Variants in TRIM6 observed in about 807,000 individuals in gnomAD.
The protein encoded by TRIM6 is tripartite motif containing 6.
In TRIM6, 43 loss-of-function variants were observed where a neutral mutation model predicts 51.2. The observed-to-expected ratio is 0.84, with a 90% CI of 0.66 to 1.08. The LOEUF (loss-of-function observed/expected upper bound fraction) is 1.08. Ranked by LOEUF, TRIM6 falls within the 50% of genes least tolerant of loss-of-function variation. TRIM6 has a pLI of 0.00. For missense variants in TRIM6, 669 were observed against 619.0 expected (o/e 1.08, Z -0.86); for synonymous variants, 215 against 232.4 (o/e 0.93, Z 0.68).
chr11:5,602,547 C>G (rs1847934211), intron 1 of TRIM6, among the ~76,000 whole-genome samples: 1 of 151,876 alleles, frequency 6.6e-6, no homozygotes, highest in African/African-American at 2.4e-5. Context: ...GTAAGTCATG[C>G]AGATAGCAGA....
At chr11:5,597,096 A>G (rs554149179) in intron 1 of TRIM6, among the ~76,000 whole-genome samples, 182 bp downstream of exon 1, 1 of 152,316 alleles carries the variant, frequency 6.6e-6, no homozygotes, top group African/African-American at 2.4e-5. Context: ...ATAGAGACAG[A>G]AATGTGTGGT....
Position 5,603,563 on chromosome 11 carries a change from T to C in TRIM6, c.335T>C (p.Val112Ala), listed in dbSNP as rs781448011. 42 of 1,613,270 alleles carry C rather than the reference T, an allele frequency of 2.6e-5. No homozygotes were observed. The highest frequency in any genetic ancestry group is 3.6e-5 in the Non-Finnish European group (42 of 1,179,882). The change falls in exon 2 of 8, where the codon GTA (valine) becomes GCA (alanine). Residue 112 changes from valine to alanine, a missense_variant. Transcript: ENST00000380097. ...LANIVRRLRE[V>A]VLGPGKQLKA... ...AACATAGTGAGGCGGCTCAGAGAGGTAGTGTTGGGCCCTGGGAAGCAGCTG... is the reference window on the plus strand; with the variant it reads ...AACATAGTGAGGCGGCTCAGAGAGGCAGTGTTGGGCCCTGGGAAGCAGCTG...
Position 5,610,813 on chromosome 11 carries a change from A to G in TRIM6, c.1022A>G (p.Asn341Ser), listed in dbSNP as rs749755071. ...CTGAATCCACACACAGCTAATTTAA[A>G]TCTTGTCCTGGCTAAAAACCGGAGA... Reference protein sequence around the residue: ...VTLNPHTANLNLVLAKNRRQV... With the variant: ...VTLNPHTANLSLVLAKNRRQV... The change falls in exon 8 of 8, where the codon AAT (asparagine) becomes AGT (serine). Residue 341 changes from asparagine to serine, a missense_variant. Transcript: ENST00000380097. The G allele has an allele frequency of 1.2e-6, 2 of 1,614,160 alleles. No homozygotes were observed. Among genetic ancestry groups the G allele is most frequent in the Non-Finnish European group, 1.7e-6 (2 of 1,180,024 alleles).
At chr11:5,600,060 A>G (rs1244662766) in intron 1 of TRIM6, among the ~76,000 whole-genome samples, 1 of 152,208 alleles carries the variant, frequency 6.6e-6, no homozygotes, top group Non-Finnish European at 1.5e-5. Flanking sequence ...CTCTCAGATG[A>G]TAGGTAAATA....
chr11:5,596,897 G>C lies in TRIM6; in HGVS notation c.-1G>C. ...GAACTTCTTGGCTTCTCATTCCCCA[G>C]ATGTGCGGGTCAGAGAGGTATGTCT... is the stretch of plus-strand genomic sequence containing the variant. On this transcript the variant is annotated 5_prime_UTR_variant, in exon 1 of 8. Transcript: ENST00000380097. 6.2e-7 allele frequency: 1 copy of C among 1,614,086 alleles called. No homozygotes were observed. Among genetic ancestry groups the C allele is most frequent in the Non-Finnish European group, 8.5e-7 (1 of 1,179,994 alleles).
rs1454472484 is a variant in TRIM6 at position 5,610,863 on chromosome 11, G to C, written c.1072G>C (p.Val358Leu). The C allele has an allele frequency of 6.2e-7, 1 of 1,614,218 alleles. No homozygotes were observed. ...ACAAGTGAGGTTTGTGGGAGCTAAA[G>C]TATCTGGACCTTCCTGTCTGGAAAA... is the stretch of plus-strand genomic sequence containing the variant. Reference protein sequence around the residue: ...RRQVRFVGAKVSGPSCLEKHY... With the variant: ...RRQVRFVGAKLSGPSCLEKHY... Residue 358 changes from valine (V) to leucine (L), a missense_variant, in exon 8 of 8, where the codon GTA becomes CTA. Coordinates refer to ENST00000380097, the MANE Select transcript of TRIM6 (RefSeq NM_001003818.3).
At chr11:5,597,234 C>T (rs766218428) in intron 1 of TRIM6, among the ~76,000 whole-genome samples, 2 of 152,044 alleles carry the variant, frequency 1.3e-5, no homozygotes, top group Non-Finnish European at 2.9e-5. Context: ...ATAAGATGGA[C>T]GGAGTAATAT....
intron 5 of TRIM6, 143 bp downstream of exon 5, chr11:5,608,537 C>A: frequency 1.5e-6 from 2 of 1,337,968 alleles, no homozygotes; most frequent in Admixed American, 2.5e-5. Context: ...GGAGTTTTGG[C>A]ATCCCCAAAT....
upstream of TRIM6, chr11:5,596,543 T>TCCCCCTTCCCCCTTCCCTTC (rs1847471706): frequency 4.1e-5 from 1 of 24,650 alleles, no homozygotes; most frequent in Non-Finnish European, 7.4e-5. Flanking sequence ...CCTTCCCCCT[T>TCCCCCTTCCCCCTTCCCTTC]CCCCCTTCCC....
rs371217479 is a variant in TRIM6, at chr11:5,605,522, G to A, written c.789G>A (p.Ser263=). The change falls in exon 4 of 8, where the codon TCG becomes TCA. Residue 263 remains serine, a synonymous_variant. Transcript: ENST00000380097. The stretch of plus-strand genomic sequence containing the variant: ...CCCAGTCGCTGCGAGAGCTCATCTC[G>A]GATCTGGAGCGTCGATGTCAGGGGT... ...HQTQSLRELI[S]DLERRCQGST... 1.1e-5 allele frequency: 17 copies of A among 1,614,046 alleles called. No homozygotes were observed. The highest frequency in any genetic ancestry group is 2.7e-5 in the African/African-American group (2 of 75,014).
intron 4 of TRIM6, 57 bp downstream of exon 4, chr11:5,605,624 C>T (rs1203097474): frequency 6.5e-7 from 1 of 1,535,438 alleles, no homozygotes; most frequent in African/African-American, 1.4e-5. Context: ...AACTAACTTT[C>T]CTTCCTTTCT....
chr11:5,601,468 C>T (rs1847842174), intron 1 of TRIM6, among the ~76,000 whole-genome samples: 1 of 152,152 alleles, frequency 6.6e-6, no homozygotes, highest in Admixed American at 6.5e-5. Context: ...AAAAATATTA[C>T]CTCCCCAGGC....
Position 5,603,474 on chromosome 11 carries a change from A to C in TRIM6, c.246A>C (p.Arg82Ser). The C allele has an allele frequency of 6.2e-7, 1 of 1,614,098 alleles. No individual in the cohort carries two copies. Among genetic ancestry groups the C allele is most frequent in the Non-Finnish European group, 8.5e-7 (1 of 1,180,016 alleles). ...CAGTGATTGGTCAAGAAGGGGAAAGAAGCTGCCCTGTGTGCCAGACCAGCT... is the reference window on the plus strand; with the variant it reads ...CAGTGATTGGTCAAGAAGGGGAAAGCAGCTGCCCTGTGTGCCAGACCAGCT... ...RESVIGQEGE[R>S]SCPVCQTSYQ... Residue 82 changes from arginine to serine, a missense_variant, in exon 2 of 8, where the codon AGA (arginine) becomes AGC (serine). Transcript: ENST00000380097.
intron 5 of TRIM6, among the ~76,000 whole-genome samples, chr11:5,608,847 ATT>A (rs370630648): frequency 1.7e-3 from 175 of 101,874 alleles, no homozygotes; most frequent in African/African-American, 6.8e-3. Context: ...TTGCCCATAA[ATT>A]TTTTTTTTTT....
intron 3 of TRIM6, 89 bp from the exon 4 acceptor site, chr11:5,605,248 G>A (rs892869186): frequency 1.9e-6 from 3 of 1,577,468 alleles, no homozygotes; most frequent in African/African-American, 2.7e-5. Context: ...GCCCAGGAAA[G>A]CAGTCCTGAG....
At chr11:5,607,059 C>G (rs1385874663) in intron 4 of TRIM6, among the ~76,000 whole-genome samples, 1 of 152,094 alleles carries the variant, frequency 6.6e-6, no homozygotes, top group East Asian at 1.9e-4. Flanking sequence ...AAAAAATTAG[C>G]CGGGCGTGGT....
chr11:5,611,209 C>T lies in TRIM6; in HGVS notation c.1418C>T (p.Ser473Phe). The T allele has an allele frequency of 3.7e-6, 6 of 1,614,110 alleles. No homozygotes were observed. The highest frequency in any genetic ancestry group is 5.1e-6 in the Non-Finnish European group (6 of 1,180,016). ...TTAGATTATGAGGCTGGTACTGTCT[C>T]CTTTTATAATGTCACAAACCATGGC... ...VFLDYEAGTVSFYNVTNHGFP... is the reference protein window; with the variant it reads ...VFLDYEAGTVFFYNVTNHGFP... The change falls in exon 8 of 8, where the codon TCC becomes TTC. Residue 473 changes from serine (S) to phenylalanine (F), a missense_variant. Transcript: ENST00000380097.
At position 5,611,137 on chromosome 11, in the gene TRIM6, C is replaced by G; in HGVS notation, c.1346C>G (p.Ser449Cys). ...EYRAYEDSSP[S>C]LLLSMTVPPR... is the part of the protein sequence containing the mutation. ...AGGGCCTATGAGGATTCTTCCCCTT[C>G]CCTGCTTCTCTCCATGACAGTGCCC... is the stretch of plus-strand genomic sequence containing the variant. Residue 449 changes from serine (S) to cysteine (C), a missense_variant, in exon 8 of 8, where the codon TCC becomes TGC. By Grantham distance (112) the Ser-to-Cys change is moderately radical. Transcript: ENST00000380097. The G allele has an allele frequency of 1.2e-6, 2 of 1,614,148 alleles. No homozygotes were observed. Among genetic ancestry groups the G allele is most frequent in the Non-Finnish European group, 1.7e-6 (2 of 1,180,020 alleles).
At chr11:5,598,073 C>T (rs1314743568) in intron 1 of TRIM6, among the ~76,000 whole-genome samples, 1 of 152,178 alleles carries the variant, frequency 6.6e-6, no homozygotes, top group African/African-American at 2.4e-5. Context: ...AATTTGGGCT[C>T]TTTCTTCTGC....
Sources: gnomAD v4.1 joint callset for allele counts (sites outside exome capture counted in the v4.1 genomes callset) on GRCh38, gnomAD v4.1.1 for gene constraint, MANE v1.5 for transcripts, NCBI Gene and HGNC (gene_info 2026-07-23, HGNC 2026-07-21) for gene names.